Variants in ASB4 observed in about 807,000 individuals in gnomAD.
ASB4 encodes the protein ankyrin repeat and SOCS box containing 4, also known as ankyrin repeat and SOCS box protein 4.
ASB4 carries 35 observed loss-of-function variants against 38.6 expected under a neutral mutation model. The ratio of observed to expected loss-of-function variants is 0.91; its 90% CI spans 0.69 to 1.20. The LOEUF is 1.20. Ranked by LOEUF, ASB4 falls within the 50% of genes most tolerant of loss-of-function variation. The pLI is 0.00. For missense variants in ASB4, 557 were observed against 527.2 expected, an observed-to-expected ratio of 1.06 and a Z score of -0.55; for synonymous variants, 195 against 201.3, an observed-to-expected ratio of 0.97 and a Z score of 0.26.
chr7:95,475,040 A>G (rs979896893), upstream of ASB4, among the ~76,000 whole-genome samples: 11 of 152,176 alleles, frequency 7.2e-5, no homozygotes, highest in Non-Finnish European at 1.0e-4. Flanking sequence ...TGTAGAGCCT[A>G]TAGACAAGCT....
rs576272244 is a variant in ASB4, at chr7:95,495,283, T to C, written c.188-475T>C. Among the ~76,000 whole-genome samples, 15 of 152,262 alleles carry C rather than the reference T, an allele frequency of 9.9e-5. No homozygotes were observed. The East Asian group carries it at 2.3e-3, about 23-fold the overall frequency. ...ATTCATATGTTGGATTGACAACAAC[T>C]ATAGGAAAAAAGATTTTGGATAGAA... On this transcript the variant is annotated intron_variant, in intron 1 of 4. Coordinates refer to ENST00000325885, the MANE Select transcript of ASB4 (RefSeq NM_016116.3).
intron 1 of ASB4, among the ~76,000 whole-genome samples, chr7:95,486,787 A>G (rs1790097021): frequency 6.6e-6 from 1 of 152,250 alleles, no homozygotes; most frequent in Non-Finnish European, 1.5e-5. Flanking sequence ...GATGTGTTTA[A>G]TACAGAATAT....
At chr7:95,549,301 A>ATTTTTTTTTCTTT in the ASB4 span, among the ~76,000 whole-genome samples, 132 of 114,862 alleles carry the variant, frequency 1.1e-3, 7 homozygotes, top group Non-Finnish European at 1.8e-3. Context: ...AGGAGACTCC[A>ATTTTTTTTTCTTT]TTTTTTTTTT....
chr7:95,528,407 T>C, intron 3 of ASB4, 104 bp downstream of exon 3: 1 of 1,565,660 alleles, frequency 6.4e-7, no homozygotes, highest in Non-Finnish European at 8.6e-7. Context: ...AGTCCTGGGC[T>C]AACTACCTCT....
upstream of ASB4, chr7:95,485,900 C>A: frequency 7.2e-7 from 1 of 1,391,600 alleles, no homozygotes; most frequent in Non-Finnish European, 9.8e-7. Context: ...TGTGGACTCT[C>A]CAGCATGCGC....
chr7:95,533,525 C>A (rs1790847446), intron 3 of ASB4, among the ~76,000 whole-genome samples: 1 of 152,170 alleles, frequency 6.6e-6, no homozygotes, highest in Non-Finnish European at 1.5e-5. Flanking sequence ...CTAATTCAAT[C>A]TGCTGGTATT....
intron 2 of ASB4, among the ~76,000 whole-genome samples, chr7:95,512,358 C>G (rs1283433224): frequency 6.6e-6 from 1 of 152,224 alleles, no homozygotes; most frequent in Admixed American, 6.5e-5. Flanking sequence ...CTAGGGAACT[C>G]CAGCAAGGCT....
At chr7:95,545,137 G>C (rs961232232), downstream of ASB4, among the ~76,000 whole-genome samples, 2 of 152,038 alleles carry the variant, frequency 1.3e-5, no homozygotes, top group Non-Finnish European at 2.9e-5. Context: ...TTTGTTAAGG[G>C]TTCATTGCTC....
chr7:95,537,170 T>C (rs1431176546), intron 4 of ASB4, among the ~76,000 whole-genome samples: 1 of 152,204 alleles, frequency 6.6e-6, no homozygotes, highest in East Asian at 1.9e-4. Flanking sequence ...GGTGTAATCT[T>C]ATTCTGCTAC....
chr7:95,548,325 C>T, the ASB4 span, among the ~76,000 whole-genome samples: 1 of 152,198 alleles, frequency 6.6e-6, no homozygotes, highest in Non-Finnish European at 1.5e-5. Flanking sequence ...TGATGTTAAA[C>T]AGCTTTTCAC....
intron 3 of ASB4, among the ~76,000 whole-genome samples, chr7:95,536,207 G>T (rs1209780544): frequency 8.6e-5 from 13 of 152,006 alleles, no homozygotes; most frequent in Non-Finnish European, 2.9e-5. Flanking sequence ...GAGCTTAATA[G>T]GTCTGTGGGT....
At chr7:95,496,151 G>A in intron 2 of ASB4, 94 bp downstream of exon 2, 1 of 1,195,494 alleles carries the variant, frequency 8.4e-7, no homozygotes, top group Non-Finnish European at 1.2e-6. Flanking sequence ...GATGTAGTAA[G>A]CATAAAGATG....
upstream of ASB4, among the ~76,000 whole-genome samples, chr7:95,475,484 A>G (rs1789968121): frequency 6.6e-6 from 1 of 152,056 alleles, no homozygotes; most frequent in Non-Finnish European, 1.5e-5. Context: ...CCCAGGTTCA[A>G]GCAATTCTCC....
In ASB4 at chr7:95,527,875, C is replaced by G; in HGVS notation, c.550C>G (p.His184Asp). 1 of 1,613,724 alleles carries G rather than the reference C, an allele frequency of 6.2e-7. No homozygotes were observed. Among genetic ancestry groups the G allele is most frequent in the South Asian group, 1.1e-5 (1 of 91,058 alleles). ...DEETPLHTAAHFGLSELVAFY... is the reference protein window; with the variant it reads ...DEETPLHTAADFGLSELVAFY... ...GGAGACGCCCTTGCACACGGCTGCC[C>G]ACTTCGGCCTTTCGGAGCTGGTGGC... Residue 184 changes from histidine to aspartate, a missense_variant, in exon 3 of 5, where the codon CAC (histidine) becomes GAC (aspartate). His to Asp is a moderately conservative substitution (Grantham distance 81). Coordinates refer to ENST00000325885, the MANE Select transcript of ASB4 (RefSeq NM_016116.3).
intron 1 of ASB4, among the ~76,000 whole-genome samples, chr7:95,492,304 GA>G (rs1258997615): frequency 3.9e-5 from 6 of 152,236 alleles, no homozygotes; most frequent in Admixed American, 3.3e-4. Flanking sequence ...TTAGGAGGAG[GA>G]AAAAAATTCA....
In ASB4 at chr7:95,496,053, G is replaced by A. The variant is rs1465383155; in HGVS notation, c.483G>A (p.Trp161Ter). 6.2e-7 allele frequency: 1 copy of A among 1,611,424 alleles called. No homozygotes were observed. The highest frequency in any genetic ancestry group is 1.1e-5 in the South Asian group (1 of 90,990). ...TTCTCTGTGCCAAGCAATTGGTTTGGAGAGGTAAGCCTTTCTGGGTGGCCA... is the reference window on the plus strand; with the variant it reads ...TTCTCTGTGCCAAGCAATTGGTTTGAAGAGGTAAGCCTTTCTGGGTGGCCA... Reference protein sequence around the residue: ...SSILCAKQLVWRGANVNMKTN... With the variant: ...SSILCAKQLV The change falls in exon 2 of 5, where the codon TGG becomes TGA. Residue 161 changes from tryptophan (W) to a stop codon, truncating the protein, a stop_gained. Transcript: ENST00000325885. LOFTEE classifies it high-confidence loss of function.
chr7:95,510,840 C>T (rs1244440697), intron 2 of ASB4, among the ~76,000 whole-genome samples: 1 of 152,062 alleles, frequency 6.6e-6, no homozygotes, highest in African/African-American at 2.4e-5. Flanking sequence ...CATCTGAAAC[C>T]GGAAATTGAA....
the ASB4 span, among the ~76,000 whole-genome samples, chr7:95,549,647 A>G: frequency 6.6e-6 from 1 of 152,098 alleles, no homozygotes; most frequent in African/African-American, 2.4e-5. Context: ...ACAGGTCTGT[A>G]ATGATGAAAT....
chr7:95,489,797 A>G (rs1231391104), intron 1 of ASB4, among the ~76,000 whole-genome samples: 1 of 152,256 alleles, frequency 6.6e-6, no homozygotes, highest in African/African-American at 2.4e-5. Context: ...TTATGAGCCA[A>G]CCACTGAGTA....
Sources: gnomAD v4.1 joint callset for allele counts (sites outside exome capture counted in the v4.1 genomes callset) on GRCh38, gnomAD v4.1.1 for gene constraint, MANE v1.5 for transcripts, NCBI Gene and HGNC (gene_info 2026-07-23, HGNC 2026-07-21) for gene names.